Variants in ZNF366 observed in about 807,000 individuals in gnomAD.
ZNF366 encodes zinc finger protein 366.
A neutral mutation model predicts 47.2 loss-of-function variants in ZNF366; 20 were observed. That is an observed-to-expected ratio of 0.42 (90% confidence interval 0.30 to 0.62). ZNF366 has a LOEUF of 0.62. Among genes scored for constraint, ZNF366 ranks in the 20% least tolerant of loss-of-function variants. The probability of loss-of-function intolerance (pLI) is 0.16; values close to 1 mark genes in which losing one functional copy is unlikely to be tolerated. For synonymous variants in ZNF366, 421 were observed against 395.1 expected, an observed-to-expected ratio of 1.07 and a Z score of -0.78; for missense variants, 987 against 976.3, an observed-to-expected ratio of 1.01 and a Z score of -0.15.
chr5:72,480,481 C>T (rs962478093), intron 1 of ZNF366, among the ~76,000 whole-genome samples: 7 of 151,982 alleles, frequency 4.6e-5, no homozygotes, highest in Non-Finnish European at 1.0e-4. Flanking sequence ...CATGCTTCCC[C>T]ACAATCCCCC....
At chr5:72,454,892 C>T (rs931126507) in intron 3 of ZNF366, among the ~76,000 whole-genome samples, 3 of 152,330 alleles carry the variant, frequency 2.0e-5, no homozygotes, top group Non-Finnish European at 4.4e-5. Context: ...TCGCTGCATG[C>T]AGCCAAGGCC....
intron 1 of ZNF366, among the ~76,000 whole-genome samples, chr5:72,467,550 TG>T (rs1361643111): frequency 6.6e-6 from 1 of 152,212 alleles, no homozygotes; most frequent in Non-Finnish European, 1.5e-5. Flanking sequence ...TGGTATTTTG[TG>T]GTTCGCATTC....
At chr5:72,506,298 T>A (rs1744316764) in intron 1 of ZNF366, among the ~76,000 whole-genome samples, 2 of 152,222 alleles carry the variant, frequency 1.3e-5, no homozygotes, top group Admixed American at 6.5e-5. Context: ...TGCTGACCTA[T>A]TTTTGACAAC....
intron 1 of ZNF366, among the ~76,000 whole-genome samples, chr5:72,463,766 A>G (rs996050919): frequency 2.0e-5 from 3 of 152,228 alleles, no homozygotes; most frequent in Admixed American, 6.5e-5. Context: ...CTTGTTTACT[A>G]AATCATCTCT....
Position 72,496,382 on chromosome 5 carries a change from G to T in ZNF366, c.-15+10869C>A, listed in dbSNP as rs187648006. On this transcript the variant is annotated intron_variant, in intron 1 of 4. Coordinates refer to ENST00000318442, the MANE Select transcript of ZNF366 (RefSeq NM_152625.3). ...AAGAAAATCATTTGATATTTACTGTGTGTCTGGTTCCTTTAATAATATTGT... is the reference window on the plus strand; with the variant it reads ...AAGAAAATCATTTGATATTTACTGTTTGTCTGGTTCCTTTAATAATATTGT... 2.6e-5 allele frequency among the ~76,000 whole-genome samples: 4 copies of T among 152,240 alleles called. No homozygotes were observed. The East Asian group carries it at 7.7e-4, about 29-fold the overall frequency.
chr5:72,506,441 A>G (rs938561508), intron 1 of ZNF366, among the ~76,000 whole-genome samples: 1 of 152,152 alleles, frequency 6.6e-6, no homozygotes, highest in Non-Finnish European at 1.5e-5. Flanking sequence ...GCTACGCCCT[A>G]TTTGGTGCTT....
intron 1 of ZNF366, among the ~76,000 whole-genome samples, chr5:72,480,917 C>T (rs1218227952): frequency 6.6e-6 from 1 of 152,152 alleles, no homozygotes; most frequent in Non-Finnish European, 1.5e-5. Flanking sequence ...AAGCAAGCCA[C>T]GCTTTAAGAG....
At chr5:72,482,413 G>C (rs1743806770) in intron 1 of ZNF366, among the ~76,000 whole-genome samples, 1 of 152,102 alleles carries the variant, frequency 6.6e-6, no homozygotes, top group African/African-American at 2.4e-5. Flanking sequence ...TGACAATAAG[G>C]ACTACCAAAT....
At chr5:72,454,870 C>T (rs923489586) in intron 3 of ZNF366, among the ~76,000 whole-genome samples, 37 of 152,180 alleles carry the variant, frequency 2.4e-4, no homozygotes, top group African/African-American at 8.7e-4. Context: ...GAAGAGGAGG[C>T]CGTGGAGTCC....
In ZNF366 at chr5:72,461,351, C is replaced by G. The variant is rs1248958132; in HGVS notation, c.146G>C (p.Arg49Pro). ...PQRHPFPEAL[R>P]GPFSQFRYEP... is the part of the protein sequence containing the mutation. ...ATACCGAAACTGGGAAAATGGCCCTCGGAGAGCTTCCGGGAAGGGGTGTCT... is the reference window on the plus strand; with the variant it reads ...ATACCGAAACTGGGAAAATGGCCCTGGGAGAGCTTCCGGGAAGGGGTGTCT... The change falls in exon 2 of 5, where the codon CGA becomes CCA. Residue 49 changes from arginine (R) to proline (P), a missense_variant. By Grantham distance (103) the Arg-to-Pro change is moderately radical (BLOSUM62 -2). Around this residue, in one of 3 missense-constraint regions of ZNF366, gnomAD observed 591 missense variants for 560.9 expected, o/e 1.05. Coordinates refer to ENST00000318442, the MANE Select transcript of ZNF366 (RefSeq NM_152625.3). 6.2e-7 allele frequency: 1 copy of G among 1,614,040 alleles called. No homozygotes were observed. The highest frequency in any genetic ancestry group is 8.5e-7 in the Non-Finnish European group (1 of 1,179,978).
At chr5:72,450,513 C>G (rs1580231790) in intron 3 of ZNF366, among the ~76,000 whole-genome samples, 1 of 152,158 alleles carries the variant, frequency 6.6e-6, no homozygotes, top group Admixed American at 6.5e-5. Flanking sequence ...GGGAAATAAA[C>G]AAGTCAGAGA....
At chr5:72,448,063 T>C (rs976900362) in intron 3 of ZNF366, among the ~76,000 whole-genome samples, 34 of 152,238 alleles carry the variant, frequency 2.2e-4, no homozygotes, top group African/African-American at 6.0e-4. Flanking sequence ...GAGTACACTG[T>C]ATTCTTATAT....
At chr5:72,507,185 T>G in intron 1 of ZNF366, 66 bp downstream of exon 1, 1 of 980,724 alleles carries the variant, frequency 1.0e-6, no homozygotes, top group Non-Finnish European at 1.2e-6. Context: ...CTGTTGAAGA[T>G]GCCCACAGCA....
intron 1 of ZNF366, among the ~76,000 whole-genome samples, chr5:72,493,970 A>G: frequency 8.3e-6 from 1 of 119,890 alleles, no homozygotes; most frequent in Non-Finnish European, 1.6e-5. Flanking sequence ...GTGGGGTTTC[A>G]CCATATTGGC....
intron 1 of ZNF366, among the ~76,000 whole-genome samples, chr5:72,471,421 G>A (rs1050422900): frequency 1.3e-5 from 2 of 152,092 alleles, no homozygotes; most frequent in African/African-American, 2.4e-5. Context: ...TAAAATACAT[G>A]CACTTATCTC....
chr5:72,461,371 G>C lies in ZNF366; in HGVS notation c.126C>G (p.His42Gln). The change falls in exon 2 of 5, where the codon CAC becomes CAG. Residue 42 changes from histidine (H) to glutamine (Q), a missense_variant. His to Gln is a conservative substitution (Grantham distance 24). Transcript: ENST00000318442. ...GCCCTCGGAGAGCTTCCGGGAAGGG[G>C]TGTCTTTGGGGAGCCTTTCCCCGAG... is the stretch of plus-strand genomic sequence containing the variant. ...VASRGKAPQR[H>Q]PFPEALRGPF... 6.2e-7 allele frequency: 1 copy of C among 1,614,034 alleles called. No individual in the cohort carries two copies. The highest frequency in any genetic ancestry group is 8.5e-7 in the Non-Finnish European group (1 of 1,179,962).
intron 1 of ZNF366, among the ~76,000 whole-genome samples, chr5:72,504,625 G>A (rs1744285974): frequency 6.6e-6 from 1 of 152,174 alleles, no homozygotes; most frequent in South Asian, 2.1e-4. Flanking sequence ...CTCTAAAGCT[G>A]TGAGGAATAA....
chr5:72,452,173 T>C (rs535146953), intron 3 of ZNF366, among the ~76,000 whole-genome samples: 32 of 152,312 alleles, frequency 2.1e-4, no homozygotes, highest in African/African-American at 7.7e-4. Context: ...CTGAGGAGAA[T>C]GGCCTCCGTG....
In ZNF366 at chr5:72,461,472, T is replaced by C. The variant is rs1326000195; in HGVS notation, c.25A>G (p.Lys9Glu). The C allele has an allele frequency of 3.2e-6, 5 of 1,571,004 alleles. No individual in the cohort carries two copies. In the South Asian group the frequency reaches 3.5e-5, roughly 11 times the overall value. MQKEMKMI[K>E]DEDVHFDLAV... ...AAGTCGAAATGCACATCCTCGTCTT[T>C]GATCATCTTCATTTCCTTCTGCATC... The change falls in exon 2 of 5, where the codon AAA (lysine) becomes GAA (glutamate). Residue 9 changes from lysine to glutamate, a missense_variant. By Grantham distance (56) the Lys-to-Glu change is moderately conservative. This residue lies in a region of ZNF366 where 591 missense variants were observed against 560.9 expected (regional missense o/e 1.05). Transcript: ENST00000318442.
Sources: gnomAD v4.1 joint callset for allele counts (sites outside exome capture counted in the v4.1 genomes callset) on GRCh38, gnomAD v4.1.1 for gene constraint, gnomAD v4.1.1 regional missense constraint, MANE v1.5 for transcripts, NCBI Gene and HGNC (gene_info 2026-07-23, HGNC 2026-07-21) for gene names.